PPARG: variants seen among roughly 807,000 people sequenced by gnomAD.
PPARG encodes peroxisome proliferator activated receptor gamma.
A neutral mutation model predicts 39.2 loss-of-function variants in PPARG; 17 were observed. The ratio of observed to expected loss-of-function variants is 0.43; its 90% CI spans 0.30 to 0.65. The LOEUF (loss-of-function observed/expected upper bound fraction) is 0.65, where lower values mean the gene tolerates loss of function less well. Among genes scored for constraint, PPARG ranks in the 30% least tolerant of loss-of-function variants. PPARG has a pLI of 0.13. For missense variants in PPARG, 406 were observed against 585.9 expected (o/e 0.69, Z 3.17); for synonymous variants, 223 against 215.7 (o/e 1.03, Z -0.30).
intron 5 of PPARG, among the ~76,000 whole-genome samples, chr3:12,394,485 C>G (rs1000227753): frequency 6.6e-6 from 1 of 152,106 alleles, no homozygotes; most frequent in African/African-American, 2.4e-5. Context: ...AGAAAGCTAT[C>G]ATAAACTTGA....
chr3:12,430,573 T>C (rs563862771), intron 7 of PPARG, among the ~76,000 whole-genome samples: 1 of 152,360 alleles, frequency 6.6e-6, no homozygotes, highest in Admixed American at 6.5e-5. Context: ...CATGGGGTTA[T>C]TGTGAAGATT....
At chr3:12,306,663 CTT>C (rs1370623115) in intron 1 of PPARG, among the ~76,000 whole-genome samples, 3 of 152,284 alleles carry the variant, frequency 2.0e-5, no homozygotes, top group African/African-American at 7.2e-5. Context: ...TAAATTTAAA[CTT>C]TTAGTTGTGT....
intron 4 of PPARG, among the ~76,000 whole-genome samples, chr3:12,386,496 A>G (rs1242666576): frequency 2.6e-5 from 4 of 152,044 alleles, no homozygotes; most frequent in African/African-American, 9.7e-5. Context: ...AGAAATTTCC[A>G]TTATAAGAGT....
chr3:12,364,631 T>C (rs1056890155), intron 2 of PPARG, among the ~76,000 whole-genome samples: 1 of 152,226 alleles, frequency 6.6e-6, no homozygotes, highest in Non-Finnish European at 1.5e-5. Flanking sequence ...ATGGCCACAC[T>C]GTCTTCCAAA....
At chr3:12,403,372 GAC>G (rs1359561267) in intron 5 of PPARG, among the ~76,000 whole-genome samples, 14 of 151,312 alleles carry the variant, frequency 9.3e-5, no homozygotes, top group Non-Finnish European at 2.1e-4. Flanking sequence ...TTATTTTAGA[GAC>G]AGAGTCTTGC....
intron 7 of PPARG, among the ~76,000 whole-genome samples, chr3:12,423,378 A>G (rs1019000540): frequency 1.3e-5 from 2 of 152,226 alleles, no homozygotes; most frequent in African/African-American, 4.8e-5. Flanking sequence ...TTCAATCAGC[A>G]CTGAGTTTGA....
intron 4 of PPARG, among the ~76,000 whole-genome samples, chr3:12,390,392 G>T: frequency 6.6e-6 from 1 of 152,004 alleles, no homozygotes; most frequent in Non-Finnish European, 1.5e-5. Flanking sequence ...ACGTCCATCT[G>T]CATACAAATA....
At chr3:12,401,462 T>C (rs2050468142) in intron 5 of PPARG, among the ~76,000 whole-genome samples, 1 of 152,226 alleles carries the variant, frequency 6.6e-6, no homozygotes, top group South Asian at 2.1e-4. Context: ...AGCATTGCCA[T>C]GCACCTAGCA....
rs190213751 is a variant in PPARG, at chr3:12,366,594, C to T, written c.-8-13110C>T. Among the ~76,000 whole-genome samples the T allele has an allele frequency of 8.1e-4, 123 of 152,062 alleles. 1 individual carries two copies. Among genetic ancestry groups the T allele is most frequent in the African/African-American group, 2.9e-3 (120 of 41,494 alleles). The stretch of plus-strand genomic sequence containing the variant: ...ACTATATGTTTTGTTTGTAGATGTT[C>T]CTAAGTTTAGGAAGTTTTCTTATTT... On this transcript the variant is annotated intron_variant, in intron 2 of 7. Transcript: ENST00000651735.
rs148779214 is a variant in PPARG at position 12,407,984 on chromosome 3, G to A, written c.729+1903G>A. Among the ~76,000 whole-genome samples, 942 of 152,256 alleles carry A rather than the reference G, an allele frequency of 6.2e-3. 3 individuals are homozygous for A. The highest frequency in any genetic ancestry group is 9.2e-3 in the Non-Finnish European group (626 of 68,020). ...TTATTTTAGAGATGAGGAAAATAAAGTCCAGAGAGGTTAAACATTTTGCCC... is the reference window on the plus strand; with the variant it reads ...TTATTTTAGAGATGAGGAAAATAAAATCCAGAGAGGTTAAACATTTTGCCC... On this transcript the variant is annotated intron_variant, in intron 6 of 7. Transcript: ENST00000651735.
chr3:12,299,285 AGAACATTTTTCAATGG>A (rs1454594689), intron 1 of PPARG, among the ~76,000 whole-genome samples: 1 of 152,214 alleles, frequency 6.6e-6, no homozygotes, highest in Non-Finnish European at 1.5e-5. Context: ...AGATTTAACG[AGAACATTTTTCAATGG>A]GAATGACGGT....
At chr3:12,318,068 G>A (rs995800692) in intron 2 of PPARG, among the ~76,000 whole-genome samples, 2 of 152,060 alleles carry the variant, frequency 1.3e-5, no homozygotes, top group Non-Finnish European at 2.9e-5. Context: ...CAAATTCCTG[G>A]ACTCAAGTGA....
At chr3:12,366,452 T>C (rs909834203) in intron 2 of PPARG, among the ~76,000 whole-genome samples, 1 of 152,122 alleles carries the variant, frequency 6.6e-6, no homozygotes, top group Non-Finnish European at 1.5e-5. Context: ...CTTGTCTTGT[T>C]ACGTTAGCTA....
At chr3:12,322,281 A>G (rs1659899825) in intron 2 of PPARG, among the ~76,000 whole-genome samples, 1 of 152,202 alleles carries the variant, frequency 6.6e-6, no homozygotes, top group Non-Finnish European at 1.5e-5. Flanking sequence ...AGACTAGACT[A>G]GTTATTGGCA....
Position 12,434,167 on chromosome 3 carries a change from C to G in PPARG, c.*22C>G. 10 of 1,614,078 alleles carry G rather than the reference C, an allele frequency of 6.2e-6. No homozygotes were observed. Among genetic ancestry groups the G allele is most frequent in the Non-Finnish European group, 8.5e-6 (10 of 1,180,006 alleles). On this transcript the variant is annotated 3_prime_UTR_variant, in exon 8 of 8. Transcript: ENST00000651735. This position sits in a 1 kb window ranked among gnomAD's most constrained non-coding sequence, Gnocchi z 4.2. Reference sequence around the variant, plus strand: ...CTAGCAGAGAGTCCTGAGCCACTGCCAACATTTCCCTTCTTCCAGTTGCAC... The same window carrying G: ...CTAGCAGAGAGTCCTGAGCCACTGCGAACATTTCCCTTCTTCCAGTTGCAC...
In PPARG at chr3:12,363,536, T is replaced by C. The variant is rs115826450; in HGVS notation, c.-8-16168T>C. ...ACAACTCTGAGTAAGAAAGTGGCTT[T>C]CCCCCTATGGTAATGCCAAGCTACT... On this transcript the variant is annotated intron_variant, in intron 2 of 7. Coordinates refer to ENST00000651735, the MANE Select transcript of PPARG (RefSeq NM_138711.6). 5.6e-3 allele frequency among the ~76,000 whole-genome samples: 860 copies of C among 152,302 alleles called. 11 individuals are homozygous for C. The highest frequency in any genetic ancestry group is 0.019 in the African/African-American group (798 of 41,562).
chr3:12,340,405 G>A (rs2048149220), intron 2 of PPARG, among the ~76,000 whole-genome samples: 1 of 152,180 alleles, frequency 6.6e-6, no homozygotes, highest in South Asian at 2.1e-4. Context: ...ACTGAATTAA[G>A]TCTGAATTTT....
chr3:12,406,421 G>A, intron 6 of PPARG: 2 of 340,724 alleles, frequency 5.9e-6, no homozygotes, highest in South Asian at 5.2e-5. Flanking sequence ...ACTGGCCACA[G>A]CAATATTCAT....
intron 2 of PPARG, among the ~76,000 whole-genome samples, chr3:12,358,832 C>T (rs1355940729): frequency 6.6e-6 from 1 of 152,064 alleles, no homozygotes; most frequent in Non-Finnish European, 1.5e-5. Flanking sequence ...CAGGTATATG[C>T]CATATACAAA....
Sources: gnomAD v4.1 joint callset for allele counts (sites outside exome capture counted in the v4.1 genomes callset) on GRCh38, gnomAD v4.1.1 for gene constraint, Gnocchi (gnomAD v3.1) non-coding constraint, MANE v1.5 for transcripts, NCBI Gene and HGNC (gene_info 2026-07-23, HGNC 2026-07-21) for gene names.